The following ZNF451 variants were observed in gnomAD, a reference collection of about 807,000 sequenced individuals.
The protein encoded by ZNF451 is E3 SUMO-protein ligase ZNF451.
In ZNF451, 80 loss-of-function variants were observed where a neutral mutation model predicts 107.1. The observed-to-expected ratio is 0.75, with a 90% CI of 0.62 to 0.90. The LOEUF is 0.90. Ranked by LOEUF, ZNF451 falls within the 40% of genes least tolerant of loss-of-function variation. The pLI, the probability that ZNF451 is intolerant of heterozygous loss-of-function variation, is 0.00. For missense variants in ZNF451, 1,107 were observed against 1,236.2 expected, an observed-to-expected ratio of 0.90 and a Z score of 1.57; for synonymous variants, 362 against 406.5, an observed-to-expected ratio of 0.89 and a Z score of 1.32.
At chr6:57,161,251 T>C in intron 14 of ZNF451, 99 bp downstream of exon 14, 1 of 607,470 alleles carries the variant, frequency 1.6e-6, no homozygotes, top group Non-Finnish European at 2.7e-6. Flanking sequence ...TATTCCCTTC[T>C]ACCCCCAAGT....
At chr6:57,137,402 A>G (rs1035169537) in intron 7 of ZNF451, among the ~76,000 whole-genome samples, 5 of 152,096 alleles carry the variant, frequency 3.3e-5, no homozygotes, top group African/African-American at 1.2e-4. Context: ...TCAAACTTAA[A>G]TGTACACACA....
chr6:57,147,665 A>G lies in ZNF451; in HGVS notation c.1580A>G (p.Asn527Ser). Residue 527 changes from asparagine (N) to serine (S), a missense_variant, in exon 10 of 15, where the codon AAT becomes AGT. This residue lies in a region of ZNF451 where 608 missense variants were observed against 649.2 expected (regional missense o/e 0.94). Transcript: ENST00000370706. ...MSRIHGGAHL[N>S]NFLFWCRTCK... Reference sequence around the variant, plus strand: ...CGGATTCACGGAGGGGCACATTTAAATAACTTTCTTTTCTGGTGTCGGACA... The same window carrying G: ...CGGATTCACGGAGGGGCACATTTAAGTAACTTTCTTTTCTGGTGTCGGACA... 6.2e-7 allele frequency: 1 copy of G among 1,614,174 alleles called. No individual in the cohort carries two copies. The highest frequency in any genetic ancestry group is 8.5e-7 in the Non-Finnish European group (1 of 1,179,992).
chr6:57,091,813 C>T (rs1335005201), intron 2 of ZNF451, among the ~76,000 whole-genome samples: 1 of 152,176 alleles, frequency 6.6e-6, no homozygotes, highest in Non-Finnish European at 1.5e-5. Context: ...ATGGTGGATG[C>T]TGGGAAACCT....
intron 7 of ZNF451, among the ~76,000 whole-genome samples, chr6:57,135,204 G>T (rs1217529316): frequency 6.6e-6 from 1 of 152,128 alleles, no homozygotes; most frequent in Non-Finnish European, 1.5e-5. Flanking sequence ...TACACTGCTT[G>T]TTGAAATGTT....
intron 3 of ZNF451, chr6:57,115,281 AATTG>A (rs1238287992): frequency 6.6e-6 from 1 of 152,150 alleles, no homozygotes; most frequent in Non-Finnish European, 1.5e-5. Context: ...AAAAGTATCT[AATTG>A]ATTGATCTAT....
At chr6:57,101,780 A>C in intron 3 of ZNF451, 2 of 1,550,598 alleles carry the variant, frequency 1.3e-6, no homozygotes, top group Non-Finnish European at 1.7e-6. Flanking sequence ...GCCATAGACT[A>C]TAGACGGCAG....
At chr6:57,096,767 C>CTTTT (rs772840052) in intron 2 of ZNF451, among the ~76,000 whole-genome samples, 8 of 79,954 alleles carry the variant, frequency 1.0e-4, no homozygotes, top group South Asian at 3.9e-4. Flanking sequence ...AATTTTCAGT[C>CTTTT]TTTTTTTTTT....
chr6:57,116,951 AATG>A (rs942073060), intron 3 of ZNF451: 15 of 152,228 alleles, frequency 9.9e-5, no homozygotes, highest in African/African-American at 3.6e-4. Context: ...AAAAAAAAAA[AATG>A]AAGAAACTTT....
At chr6:57,108,925 A>T (rs918108663) in intron 3 of ZNF451, 36 of 985,296 alleles carry the variant, frequency 3.7e-5, no homozygotes, top group Non-Finnish European at 3.9e-5. Flanking sequence ...GACTTTTTCC[A>T]GTCTCAATTC....
rs1831345792 is a variant in ZNF451 at position 57,134,688 on chromosome 6, G to GT, written c.576-53dup. ...GCTTCACAAATGAAGCGACATAGTT[G>GT]TTTCCCTAGAATGTAGATTTATCTA... is the stretch of plus-strand genomic sequence containing the variant. On this transcript the variant is annotated intron_variant, in intron 6 of 14. Coordinates refer to ENST00000370706, the MANE Select transcript of ZNF451 (RefSeq NM_001031623.3). The GT allele has an allele frequency of 5.2e-6, 8 of 1,540,576 alleles. No individual in the cohort carries two copies. The South Asian group carries it at 9.5e-5, about 18-fold the overall frequency.
chr6:57,101,501 C>T, intron 3 of ZNF451: 1 of 1,551,012 alleles, frequency 6.4e-7, no homozygotes, highest in Non-Finnish European at 8.7e-7. Context: ...AACACAACAT[C>T]CCCTCTAGAT....
chr6:57,133,175 C>T lies in ZNF451; in HGVS notation c.558C>T (p.Leu186=), dbSNP rs972426053. 6 of 1,613,906 alleles carry T rather than the reference C, an allele frequency of 3.7e-6. No homozygotes were observed. Among genetic ancestry groups the T allele is most frequent in the Admixed American group, 1.7e-5 (1 of 60,016 alleles). Residue 186 remains leucine (L), a synonymous_variant, in exon 6 of 15, where the codon CTC becomes CTT. Transcript: ENST00000370706. ...AGGAGTTTGACAATGGGCACCTTCT[C>T]TTAGGACATTTGAAAAGGTAAGTAG... The part of the protein sequence containing the change: ...CNKEFDNGHL[L]LGHLKRFDHS...
intron 14 of ZNF451, among the ~76,000 whole-genome samples, chr6:57,168,137 A>AT (rs1443069516): frequency 6.6e-6 from 1 of 152,182 alleles, no homozygotes; most frequent in Non-Finnish European, 1.5e-5. Context: ...GAAACAAATG[A>AT]TTACCTGTCA....
At chr6:57,104,533 GT>G (rs1829754821) in intron 3 of ZNF451, 2 of 984,890 alleles carry the variant, frequency 2.0e-6, no homozygotes, top group Non-Finnish European at 2.4e-6. Flanking sequence ...CTGAGAATGC[GT>G]TTGTCTGAAA....
chr6:57,096,176 G>GTTTTTTTTTTTTTTTT (rs749589304), intron 2 of ZNF451, among the ~76,000 whole-genome samples: 1 of 58,462 alleles, frequency 1.7e-5, no homozygotes, highest in African/African-American at 7.1e-5. Context: ...CTTTCTTTCT[G>GTTTTTTTTTTTTTTTT]TTTTTTTTTT....
intron 2 of ZNF451, among the ~76,000 whole-genome samples, chr6:57,095,914 C>T (rs944416201): frequency 3.9e-5 from 6 of 151,908 alleles, no homozygotes; most frequent in African/African-American, 1.5e-4. Context: ...ACTTCTGCCT[C>T]CTGGGCTAAA....
At chr6:57,095,329 T>G (rs1375646886) in intron 2 of ZNF451, among the ~76,000 whole-genome samples, 1 of 146,440 alleles carries the variant, frequency 6.8e-6, no homozygotes, top group African/African-American at 2.5e-5. Flanking sequence ...TGTGATACTT[T>G]TTTTTTTTTT....
rs1044398329 is a variant in ZNF451 at position 57,170,038 on chromosome 6, G to T, written c.*1569G>T. The T allele has an allele frequency of 8.4e-6, 1 of 119,074 alleles. No individual in the cohort carries two copies. The highest frequency in any genetic ancestry group is 1.7e-5 in the Non-Finnish European group (1 of 57,320). 7.4% of individuals were successfully genotyped at this position (119,074 alleles called of 1,614,324 possible). ...ACTGATGCTCTATTAAGAAGCTTTTGTGGTGTGTGTGGTAGAGAATAATTA... is the reference window on the plus strand; with the variant it reads ...ACTGATGCTCTATTAAGAAGCTTTTTTGGTGTGTGTGGTAGAGAATAATTA... On this transcript the variant is annotated 3_prime_UTR_variant, in exon 15 of 15. Coordinates refer to ENST00000370706, the MANE Select transcript of ZNF451 (RefSeq NM_001031623.3).
At chr6:57,139,040 T>C (rs943867465) in intron 7 of ZNF451, among the ~76,000 whole-genome samples, 1 of 152,096 alleles carries the variant, frequency 6.6e-6, no homozygotes, top group African/African-American at 2.4e-5. Context: ...AAAAATGATT[T>C]AATGAGTTTA....
Sources: allele counts gnomAD v4.1 joint callset (sites outside exome capture counted in the v4.1 genomes callset), GRCh38; gene constraint gnomAD v4.1.1; regional missense constraint gnomAD v4.1.1; transcripts MANE v1.5; gene names NCBI Gene and HGNC (gene_info 2026-07-23, HGNC 2026-07-21).